CADPS: variants seen among roughly 807,000 people sequenced by gnomAD.
CADPS encodes the protein calcium dependent secretion activator.
In CADPS, 57 loss-of-function variants were observed where a neutral mutation model predicts 167.3. That is an observed-to-expected ratio of 0.34 (90% CI 0.28 to 0.42). The LOEUF is 0.42. Among genes scored for constraint, CADPS ranks in the 20% least tolerant of loss-of-function variants. The probability of loss-of-function intolerance (pLI) is 1.00; values close to 1 mark genes in which losing one functional copy is unlikely to be tolerated. For synonymous variants in CADPS, 676 were observed against 635.3 expected (o/e 1.06, Z -0.96); for missense variants, 1,414 against 1,738.1 (o/e 0.81, Z 3.32).
intron 9 of CADPS, among the ~76,000 whole-genome samples, chr3:62,564,870 G>T (rs906873417): frequency 6.6e-6 from 1 of 152,150 alleles, no homozygotes; most frequent in Non-Finnish European, 1.5e-5. Context: ...CTCCCAAGGG[G>T]CTGGGATTAC....
rs1239001442 is a variant in CADPS at position 62,438,301 on chromosome 3, C to T, written c.3670-90G>A. 1.1e-6 allele frequency: 1 copy of T among 898,418 alleles called. No homozygotes were observed. Among genetic ancestry groups the T allele is most frequent in the Non-Finnish European group, 1.8e-6 (1 of 553,016 alleles). 55.7% of individuals were successfully genotyped at this position (898,418 alleles called of 1,614,324 possible). ...CACTTGTACCCTCTACTTGCCCTCA[C>T]ACACCCTGAGATGCTTCTGCTGGAT... is the stretch of plus-strand genomic sequence containing the variant. On this transcript the variant is annotated intron_variant, in intron 27 of 29. Coordinates refer to ENST00000383710, the MANE Select transcript of CADPS (RefSeq NM_003716.4). The surrounding 1 kb of genome is among the most constrained non-coding windows in gnomAD (Gnocchi z 4.7).
intron 4 of CADPS, among the ~76,000 whole-genome samples, chr3:62,656,605 G>C (rs2071657527): frequency 6.6e-6 from 1 of 152,180 alleles, no homozygotes; most frequent in Non-Finnish European, 1.5e-5. Flanking sequence ...TCAGCAGAAG[G>C]CTGGTGATGG....
chr3:62,787,056 G>A (rs956798345), intron 1 of CADPS, among the ~76,000 whole-genome samples: 1 of 152,182 alleles, frequency 6.6e-6, no homozygotes, highest in African/African-American at 2.4e-5. Flanking sequence ...CACTTTGGGA[G>A]GCTGAGGCAG....
intron 25 of CADPS, 41 bp downstream of exon 25, chr3:62,466,298 A>T (rs762094463): frequency 3.0e-5 from 39 of 1,307,782 alleles, no homozygotes; most frequent in Non-Finnish European, 4.1e-5. Context: ...ATAACAAAGC[A>T]GTGTTCACAA....
chr3:62,495,531 A>G (rs1204876229), intron 18 of CADPS, among the ~76,000 whole-genome samples: 4 of 152,200 alleles, frequency 2.6e-5, no homozygotes, highest in Non-Finnish European at 5.9e-5. Context: ...TAAGGAGAAT[A>G]AGGAGTTATA....
At chr3:62,440,217 C>T (rs1361793528) in intron 27 of CADPS, 2 of 152,060 alleles carry the variant, frequency 1.3e-5, no homozygotes, top group East Asian at 3.9e-4. Context: ...TGAGCAAATC[C>T]TTTCTCCATC....
chr3:62,578,013 A>G (rs2082630370), intron 8 of CADPS, among the ~76,000 whole-genome samples: 1 of 152,224 alleles, frequency 6.6e-6, no homozygotes, highest in African/African-American at 2.4e-5. Flanking sequence ...TAAACCTATC[A>G]ATAATAACAT....
intron 1 of CADPS, among the ~76,000 whole-genome samples, chr3:62,859,672 C>T (rs1363194043): frequency 6.6e-6 from 1 of 152,120 alleles, no homozygotes. Context: ...TTCTTTTCTC[C>T]ACTGCCAGGC....
chr3:62,579,096 C>T (rs917966360), intron 8 of CADPS, among the ~76,000 whole-genome samples: 1 of 152,168 alleles, frequency 6.6e-6, no homozygotes, highest in East Asian at 1.9e-4. Context: ...AAAGGAAAAT[C>T]AGAATTGCTG....
chr3:62,600,549 C>A (rs1465268501), intron 6 of CADPS, among the ~76,000 whole-genome samples: 3 of 152,086 alleles, frequency 2.0e-5, no homozygotes, highest in Admixed American at 2.0e-4. Flanking sequence ...CTAAAAGCGC[C>A]ATATTGGCAT....
chr3:62,552,756 G>A (rs1010338432), intron 10 of CADPS, among the ~76,000 whole-genome samples: 5 of 152,120 alleles, frequency 3.3e-5, no homozygotes. Context: ...CAGGGATTTA[G>A]GACAATAAAT....
intron 3 of CADPS, among the ~76,000 whole-genome samples, chr3:62,740,195 G>A (rs2079901955): frequency 1.3e-5 from 2 of 152,180 alleles, no homozygotes; most frequent in Admixed American, 6.6e-5. Flanking sequence ...TTTGTATCAC[G>A]CAGAGGCCCA....
At chr3:62,496,110 C>T (rs1350146973) in intron 18 of CADPS, among the ~76,000 whole-genome samples, 7 of 149,760 alleles carry the variant, frequency 4.7e-5, no homozygotes, top group Non-Finnish European at 1.0e-4. Flanking sequence ...ACCCAGAGAA[C>T]ATGGTAGTGA....
chr3:62,845,475 TATATAA>T (rs2077267024), intron 1 of CADPS, among the ~76,000 whole-genome samples: 2 of 152,166 alleles, frequency 1.3e-5, no homozygotes, highest in South Asian at 4.1e-4. Flanking sequence ...GAAATAAGAT[TATATAA>T]ATAAAGTTAT....
chr3:62,720,812 GT>G (rs563508603), intron 3 of CADPS, among the ~76,000 whole-genome samples: 1,740 of 135,978 alleles, frequency 0.013, 21 homozygotes, highest in African/African-American at 0.036. Context: ...TATATTGTTA[GT>G]TTTTTTTTTT....
Position 62,742,650 on chromosome 3 carries a change from T to C in CADPS, c.888+10791A>G, listed in dbSNP as rs543351350. On this transcript the variant is annotated intron_variant, in intron 3 of 29. Coordinates refer to ENST00000383710, the MANE Select transcript of CADPS (RefSeq NM_003716.4). ...TCAAGATAGATTAAAGACTTAAATA[T>C]AAAACTCAAAACTATAAAAACCCTG... is the stretch of plus-strand genomic sequence containing the variant. Among the ~76,000 whole-genome samples, 76 of 152,166 alleles carry C rather than the reference T, an allele frequency of 5.0e-4. 1 individual carries two copies. The highest frequency in any genetic ancestry group is 1.6e-3 in the Admixed American group (25 of 15,276).
intron 3 of CADPS, among the ~76,000 whole-genome samples, chr3:62,677,325 C>A (rs764902007): frequency 3.2e-4 from 49 of 152,074 alleles, no homozygotes; most frequent in Non-Finnish European, 5.4e-4. Context: ...AACCAAAAAA[C>A]CAGAAAAACC....
chr3:62,826,992 T>C (rs2074180603), intron 1 of CADPS, among the ~76,000 whole-genome samples: 1 of 152,170 alleles, frequency 6.6e-6, no homozygotes, highest in Non-Finnish European at 1.5e-5. Flanking sequence ...AAGCTGCTGC[T>C]GGGAGCCAAG....
chr3:62,627,671 T>G (rs2064360680), intron 6 of CADPS, among the ~76,000 whole-genome samples: 1 of 152,172 alleles, frequency 6.6e-6, no homozygotes, highest in Non-Finnish European at 1.5e-5. Context: ...ACATTACTTA[T>G]GCTCACCTCC....
Sources: allele counts gnomAD v4.1 joint callset (sites outside exome capture counted in the v4.1 genomes callset), GRCh38; gene constraint gnomAD v4.1.1; non-coding constraint Gnocchi (gnomAD v3.1); transcripts MANE v1.5; gene names NCBI Gene and HGNC (gene_info 2026-07-23, HGNC 2026-07-21).